Variants in PRELID2 observed in about 807,000 individuals in gnomAD.
The protein encoded by PRELID2 is PRELI domain containing 2.
A neutral mutation model predicts 28.4 loss-of-function variants in PRELID2; 25 were observed. That is an observed-to-expected ratio of 0.88 (90% CI 0.64 to 1.23). The LOEUF is 1.23. Among genes scored for constraint, PRELID2 ranks in the 50% most tolerant of loss-of-function variants. The probability of loss-of-function intolerance (pLI) is 0.00; values close to 1 mark genes in which losing one functional copy is unlikely to be tolerated. For missense variants in PRELID2, 201 were observed against 214.4 expected, an observed-to-expected ratio of 0.94 and a Z score of 0.39; for synonymous variants, 76 against 71.6, an observed-to-expected ratio of 1.06 and a Z score of -0.31.
intron 1 of PRELID2, among the ~76,000 whole-genome samples, chr5:145,660,880 G>A (rs746963731): frequency 1.1e-4 from 17 of 152,152 alleles, no homozygotes; most frequent in Admixed American, 3.3e-4. Context: ...ATATATTACC[G>A]CTTGAAGTAT....
At position 145,817,922 on chromosome 5, in the gene PRELID2, AG is replaced by A; in HGVS notation, c.339del (p.Phe114SerfsTer31). On this transcript the variant is annotated frameshift_variant, in exon 4 of 7. Coordinates refer to ENST00000683046, the MANE Select transcript of PRELID2 (RefSeq NM_205846.3). LOFTEE classifies it high-confidence loss of function. ...TQYASMKEESVFRESMENPNW... is the reference protein window; with the variant it reads ...TQYASMKEESXFRESMENPNW... Reference sequence around the variant, plus strand: ...TTTGGGTTTTCCATACTTTCCCGGAAGACAGACTCTTCCTTCATGGATGCAT... The same window carrying A: ...TTTGGGTTTTCCATACTTTCCCGGAAACAGACTCTTCCTTCATGGATGCAT... 1 of 1,563,732 alleles carries A rather than the reference AG, an allele frequency of 6.4e-7. No individual in the cohort carries two copies. Among genetic ancestry groups the A allele is most frequent in the Non-Finnish European group, 8.6e-7 (1 of 1,157,730 alleles).
intron 1 of PRELID2, among the ~76,000 whole-genome samples, chr5:145,507,245 A>C (rs1189936477): frequency 1.3e-5 from 2 of 152,208 alleles, no homozygotes; most frequent in Non-Finnish European, 2.9e-5. Context: ...TCAGGGAGGA[A>C]GACTATGTAC....
intron 1 of PRELID2, among the ~76,000 whole-genome samples, chr5:145,688,546 C>A (rs898272966): frequency 6.6e-6 from 1 of 152,134 alleles, no homozygotes; most frequent in South Asian, 2.1e-4. Flanking sequence ...CAGCATACCA[C>A]AGGAAAGGGG....
At chr5:145,619,643 A>C (rs1399502903) in intron 1 of PRELID2, among the ~76,000 whole-genome samples, 1 of 152,078 alleles carries the variant, frequency 6.6e-6, no homozygotes, top group Admixed American at 6.5e-5. Context: ...GTCATTCTGG[A>C]GCTAAAATTC....
chr5:145,814,765 T>C (rs1484879368), intron 4 of PRELID2, among the ~76,000 whole-genome samples: 2 of 152,128 alleles, frequency 1.3e-5, no homozygotes, highest in Non-Finnish European at 2.9e-5. Context: ...ACAGCAATAA[T>C]CACTATTAAC....
intron 1 of PRELID2, among the ~76,000 whole-genome samples, chr5:145,655,315 C>T (rs1296555361): frequency 6.6e-6 from 1 of 152,038 alleles, no homozygotes; most frequent in African/African-American, 2.4e-5. Flanking sequence ...ATGAAAATGG[C>T]CGTACTGCCC....
the PRELID2 span, among the ~76,000 whole-genome samples, chr5:145,336,299 T>C: frequency 6.6e-6 from 1 of 151,884 alleles, no homozygotes; most frequent in African/African-American, 2.4e-5. Flanking sequence ...TTGTCAATTT[T>C]GGCTTTTGTT....
chr5:145,360,862 C>A, the PRELID2 span, among the ~76,000 whole-genome samples: 1 of 152,192 alleles, frequency 6.6e-6, no homozygotes, highest in East Asian at 1.9e-4. Flanking sequence ...CAAAAGCTGG[C>A]ATATAAGTAA....
At chr5:145,527,727 C>T (rs1019035021) in intron 1 of PRELID2, among the ~76,000 whole-genome samples, 1 of 152,194 alleles carries the variant, frequency 6.6e-6, no homozygotes, top group Non-Finnish European at 1.5e-5. Flanking sequence ...TCACCTTCAG[C>T]AAGTTGTTTA....
At position 145,765,014 on chromosome 5, in the gene PRELID2, G is replaced by GA. The variant is rs747297650; in HGVS notation, c.475-15dup. The GA allele has an allele frequency of 1.8e-5, 28 of 1,568,310 alleles. No homozygotes were observed. The highest frequency in any genetic ancestry group is 5.5e-5 in the African/African-American group (4 of 72,356). ...GATTCTAATTCCCTATAGAAAGAAGGAAAAAAAATTAAAATGCCCTATTTC... is the reference window on the plus strand; with the variant it reads ...GATTCTAATTCCCTATAGAAAGAAGGAAAAAAAAATTAAAATGCCCTATTTC... On this transcript the variant is annotated splice_polypyrimidine_tract_variant and intron_variant, in intron 5 of 6. Coordinates refer to ENST00000683046, the MANE Select transcript of PRELID2 (RefSeq NM_205846.3).
intron 1 of PRELID2, among the ~76,000 whole-genome samples, chr5:145,732,540 T>G (rs1284827605): frequency 1.3e-5 from 2 of 152,164 alleles, no homozygotes; most frequent in East Asian, 1.9e-4. Context: ...AAACCAAAAT[T>G]TTAATTGGAT....
chr5:145,695,753 T>C (rs1375325934), intron 1 of PRELID2, among the ~76,000 whole-genome samples: 1 of 152,184 alleles, frequency 6.6e-6, no homozygotes, highest in Non-Finnish European at 1.5e-5. Context: ...ACATGGCAGC[T>C]GGCTTCTCCC....
chr5:145,439,035 C>G, the PRELID2 span, among the ~76,000 whole-genome samples: 1 of 152,114 alleles, frequency 6.6e-6, no homozygotes, highest in Non-Finnish European at 1.5e-5. Context: ...TAGCATGGGC[C>G]AGCAATGTTG....
the PRELID2 span, among the ~76,000 whole-genome samples, chr5:145,394,095 G>C: frequency 1.1e-4 from 17 of 152,022 alleles, no homozygotes; most frequent in Non-Finnish European, 2.5e-4. Context: ...ATACCCAAAG[G>C]ATTATAAATC....
At chr5:145,742,158 T>G (rs1331947822) in intron 1 of PRELID2, among the ~76,000 whole-genome samples, 3 of 118,228 alleles carry the variant, frequency 2.5e-5, no homozygotes, top group East Asian at 4.8e-4. Context: ...TTATTTATTA[T>G]AAATTTATTT....
chr5:145,299,225 T>C, the PRELID2 span, among the ~76,000 whole-genome samples: 266 of 152,250 alleles, frequency 1.7e-3, no homozygotes, highest in African/African-American at 6.1e-3. Flanking sequence ...ACAATATCAT[T>C]CCCACACCTC....
At chr5:145,264,670 G>C in the PRELID2 span, among the ~76,000 whole-genome samples, 1 of 151,880 alleles carries the variant, frequency 6.6e-6, no homozygotes, top group Non-Finnish European at 1.5e-5. Context: ...GAGAAATAAA[G>C]GATATAAAAA....
chr5:145,599,424 T>G (rs1461053713), intron 1 of PRELID2, among the ~76,000 whole-genome samples: 1 of 152,190 alleles, frequency 6.6e-6, no homozygotes, highest in Non-Finnish European at 1.5e-5. Flanking sequence ...GAAGACTCTT[T>G]TTCTGTTTCT....
At chr5:145,323,452 G>T in the PRELID2 span, among the ~76,000 whole-genome samples, 2 of 152,120 alleles carry the variant, frequency 1.3e-5, no homozygotes, top group Admixed American at 6.5e-5. Flanking sequence ...ACTGTGTAGA[G>T]AATGTATTTT....
Sources: gnomAD v4.1 joint callset for allele counts (sites outside exome capture counted in the v4.1 genomes callset) on GRCh38, gnomAD v4.1.1 for gene constraint, MANE v1.5 for transcripts, NCBI Gene and HGNC (gene_info 2026-07-23, HGNC 2026-07-21) for gene names.